The following MCF2 variants were observed in gnomAD, a reference collection of about 807,000 sequenced individuals.
The protein encoded by MCF2 is MCF.2 cell line derived transforming sequence, also known as proto-oncogene DBL.
Under a neutral mutation model 82.5 loss-of-function variants are expected in MCF2, and 44 were observed. That is an observed-to-expected ratio of 0.53 (90% CI 0.42 to 0.69). The LOEUF is 0.69. MCF2 is among the 30% of genes least tolerant of loss of function. The pLI is 0.00. For synonymous variants in MCF2, 217 were observed against 224.9 expected (o/e 0.96, Z 0.32); for missense variants, 623 against 663.1 (o/e 0.94, Z 0.66).
At chrX:139,700,729 T>G (rs1228658059) in intron 1 of MCF2, among the ~76,000 whole-genome samples, 1 of 112,371 alleles carries the variant, frequency 8.9e-6, no homozygotes, top group African/African-American at 3.2e-5. Flanking sequence ...AAAGGCTGTT[T>G]CATGCAATAA....
intron 1 of MCF2, among the ~76,000 whole-genome samples, chrX:139,656,432 C>G (rs1254199130): frequency 7.1e-5 from 8 of 112,530 alleles, no homozygotes; most frequent in Non-Finnish European, 1.5e-4. Flanking sequence ...GATGTAAAAA[C>G]AGACTGATGT....
intron 11 of MCF2, among the ~76,000 whole-genome samples, 173 bp from the exon 16 acceptor site, chrX:139,607,952 A>C (rs1488457698): frequency 2.7e-5 from 3 of 112,056 alleles, no homozygotes; most frequent in African/African-American, 9.7e-5. Flanking sequence ...AAAGTGATTT[A>C]AGTTGCCTAA....
chrX:139,657,838 AG>A (rs1253999157), intron 1 of MCF2, among the ~76,000 whole-genome samples: 3 of 111,843 alleles, frequency 2.7e-5, no homozygotes, highest in Non-Finnish European at 3.8e-5. Flanking sequence ...AGAGAGAGCT[AG>A]AAAGACTCCA....
At chrX:139,663,301 T>C (rs763471553) in intron 1 of MCF2, among the ~76,000 whole-genome samples, 2 of 112,397 alleles carry the variant, frequency 1.8e-5, no homozygotes, top group African/African-American at 6.5e-5. Flanking sequence ...GTTAAATACT[T>C]GTTTTGTGGC....
chrX:139,654,646 G>A (rs1298498600), intron 1 of MCF2, among the ~76,000 whole-genome samples: 1 of 111,608 alleles, frequency 9.0e-6, no homozygotes, highest in Non-Finnish European at 1.9e-5. Flanking sequence ...TTTTTAGCTT[G>A]ATGTGATCCC....
At chrX:139,632,413 A>G (rs1328033561) in exon 2 of MCF2, 11 of 1,203,260 alleles carry the variant, frequency 9.1e-6, no homozygotes, top group African/African-American at 1.8e-5. Flanking sequence ...AGCTGGTAGG[A>G]CGTAAAACCA....
At chrX:139,663,572 C>T (rs950865768) in intron 1 of MCF2, among the ~76,000 whole-genome samples, 18 of 102,623 alleles carry the variant, frequency 1.8e-4, no homozygotes, top group Admixed American at 6.3e-4. Flanking sequence ...CAATAGTTTG[C>T]TTTGTTTTTT....
exon 2 of MCF2, chrX:139,632,393 C>T (rs1264193841): frequency 8.3e-7 from 1 of 1,199,840 alleles, no homozygotes. Context: ...TGTGAACGTT[C>T]GTTGAAGAAA....
intron 1 of MCF2, among the ~76,000 whole-genome samples, chrX:139,667,540 G>A (rs1422717520): frequency 8.9e-6 from 1 of 111,801 alleles, no homozygotes; most frequent in Non-Finnish European, 1.9e-5. Context: ...CCAGCCCCTA[G>A]GAGGAATGTT....
exon 2 of MCF2, chrX:139,651,735 T>C: frequency 8.6e-7 from 1 of 1,160,844 alleles, no homozygotes; most frequent in Non-Finnish European, 1.2e-6. Context: ...AAGAAGGCGA[T>C]GTCTTGCATT....
At chrX:139,659,072 G>A (rs1395886055) in intron 1 of MCF2, among the ~76,000 whole-genome samples, 4 of 111,116 alleles carry the variant, frequency 3.6e-5, no homozygotes, top group African/African-American at 9.8e-5. Context: ...GGCGGATCAC[G>A]AGGTCAAGAG....
intron 1 of MCF2, among the ~76,000 whole-genome samples, chrX:139,669,519 CAT>C (rs1023340007): frequency 6.1e-4 from 69 of 112,402 alleles, no homozygotes; most frequent in African/African-American, 2.1e-3. Flanking sequence ...AGATTTACCA[CAT>C]GTCCCAGCAA....
chrX:139,704,616 A>C (rs2148590034), intron 1 of MCF2, among the ~76,000 whole-genome samples: 1 of 111,700 alleles, frequency 9.0e-6, no homozygotes, highest in African/African-American at 3.3e-5. Context: ...AAACAAAAAT[A>C]AAGAACACAG....
At chrX:139,662,769 T>A (rs781103302) in intron 1 of MCF2, among the ~76,000 whole-genome samples, 58 of 110,745 alleles carry the variant, frequency 5.2e-4, no homozygotes, top group African/African-American at 1.8e-3. Flanking sequence ...GTATGTACCC[T>A]TTTACCCACT....
intron 1 of MCF2, among the ~76,000 whole-genome samples, chrX:139,681,135 A>G (rs761379264): frequency 3.1e-4 from 35 of 112,710 alleles, no homozygotes; most frequent in African/African-American, 1.1e-3. Flanking sequence ...CAGTTAAAAT[A>G]GAGAAAATGT....
chrX:139,587,726 G>A lies in MCF2; in HGVS notation c.2512C>T (p.Gln838Ter). ...AGAATAATCACTTACTCATCATTCTGCTGAAGAGAAATCTGAAACTTATCC... is the reference window on the plus strand; with the variant it reads ...AGAATAATCACTTACTCATCATTCTACTGAAGAGAAATCTGAAACTTATCC... The change falls in exon 22 of 25, where the codon CAG (glutamine) becomes TAG (stop). Residue 838 changes from glutamine to a stop codon, truncating the protein, a stop_gained. Transcript: ENST00000370576. LOFTEE classifies it high-confidence loss of function. The A allele has an allele frequency of 1.7e-6, 2 of 1,183,777 alleles. No individual in the cohort carries two copies. The highest frequency in any genetic ancestry group is 1.8e-5 in the South Asian group (1 of 55,337).
In MCF2 at chrX:139,648,377, G is replaced by GC. The variant is rs558959282; in HGVS notation, c.26-1475dup. 3.1e-3 allele frequency among the ~76,000 whole-genome samples: 334 copies of GC among 106,758 alleles called. 1 individual carries two copies. Among genetic ancestry groups the GC allele is most frequent in the South Asian group, 0.016 (38 of 2,366 alleles). The allele number at this position is 106,758 out of a possible 115,157, so 92.7% of individuals were successfully genotyped here. A position where few individuals can be genotyped will look rare whatever the true frequency, so the allele number is the denominator to read the frequency against. On this transcript the variant is annotated intron_variant, in intron 2 of 27. Coordinates refer to the MCF2 transcript ENST00000414978. ...ACAGAGCAAGACCCCGTCTCTCCAC[G>GC]CCCCCCCCAAAAAGAAAGAAAAAGA...
chrX:139,612,448 C>T (rs1474210846), intron 10 of MCF2, among the ~76,000 whole-genome samples: 1 of 110,617 alleles, frequency 9.0e-6, no homozygotes, highest in Non-Finnish European at 1.9e-5. Context: ...AATAACTACA[C>T]TCTATATTCA....
chrX:139,637,413 C>T (rs1273219862), intron 1 of MCF2, among the ~76,000 whole-genome samples: 2 of 112,119 alleles, frequency 1.8e-5, no homozygotes, highest in Non-Finnish European at 3.8e-5. Context: ...CTCCCATTCA[C>T]TTAACCCAGA....
Sources: allele counts gnomAD v4.1 joint callset (sites outside exome capture counted in the v4.1 genomes callset), GRCh38; gene constraint gnomAD v4.1.1; transcripts MANE v1.5; gene names NCBI Gene and HGNC (gene_info 2026-07-23, HGNC 2026-07-21).